Variants in LRRTM3 observed in about 807,000 individuals in gnomAD.
LRRTM3 encodes the protein leucine-rich repeat transmembrane neuronal protein 3.
Under a neutral mutation model 44.7 loss-of-function variants are expected in LRRTM3, and 24 were observed. That is an observed-to-expected ratio of 0.54 (90% confidence interval 0.39 to 0.76). The LOEUF (loss-of-function observed/expected upper bound fraction) is 0.76. Among genes scored for constraint, LRRTM3 ranks in the 30% least tolerant of loss-of-function variants. LRRTM3 has a pLI of 0.00. For missense variants in LRRTM3, 587 were observed against 702.2 expected (o/e 0.84, Z 1.85); for synonymous variants, 277 against 278.7 (o/e 0.99, Z 0.06).
At chr10:67,026,390 T>C (rs1017603999) in intron 2 of LRRTM3, among the ~76,000 whole-genome samples, 1 of 152,024 alleles carries the variant, frequency 6.6e-6, no homozygotes, top group African/African-American at 2.4e-5. Context: ...AATATTTTTA[T>C]ATTTGTAAAT....
At chr10:67,080,766 C>G (rs1002484269) in intron 2 of LRRTM3, among the ~76,000 whole-genome samples, 5 of 151,376 alleles carry the variant, frequency 3.3e-5, no homozygotes, top group Admixed American at 2.6e-4. Flanking sequence ...AAAATTAGCC[C>G]GGCGTGGTGG....
intron 2 of LRRTM3, among the ~76,000 whole-genome samples, chr10:67,004,097 A>G (rs941055477): frequency 6.6e-6 from 1 of 152,128 alleles, no homozygotes; most frequent in Admixed American, 6.6e-5. Flanking sequence ...TGTTAAAAAA[A>G]AAAAGCCACC....
chr10:67,074,909 T>G (rs1482949273), intron 2 of LRRTM3, among the ~76,000 whole-genome samples: 1 of 152,176 alleles, frequency 6.6e-6, no homozygotes, highest in Admixed American at 6.5e-5. Context: ...TGGTCTATAT[T>G]TAACACACAG....
intron 2 of LRRTM3, among the ~76,000 whole-genome samples, chr10:66,954,016 A>C (rs1848670539): frequency 6.6e-6 from 1 of 152,218 alleles, no homozygotes; most frequent in African/African-American, 2.4e-5. Flanking sequence ...GTGCATAGTA[A>C]GTGCTCGCAA....
intron 2 of LRRTM3, among the ~76,000 whole-genome samples, chr10:67,035,190 G>C (rs1853971893): frequency 1.3e-5 from 2 of 152,160 alleles, no homozygotes; most frequent in Admixed American, 1.3e-4. Flanking sequence ...TGAATATATA[G>C]ATATGTATAG....
At chr10:66,969,861 C>T (rs567332389) in intron 2 of LRRTM3, among the ~76,000 whole-genome samples, 68 of 152,246 alleles carry the variant, frequency 4.5e-4, no homozygotes, top group African/African-American at 1.6e-3. Context: ...ATTTCCACAA[C>T]ATGGAGAGTA....
At chr10:67,032,433 G>A (rs1853787421) in intron 2 of LRRTM3, among the ~76,000 whole-genome samples, 2 of 152,044 alleles carry the variant, frequency 1.3e-5, no homozygotes, top group Admixed American at 6.6e-5. Flanking sequence ...CAAAGTATGA[G>A]TTTGTTTTAC....
Position 66,928,046 on chromosome 10 carries a change from A to C in LRRTM3, c.1130A>C (p.Lys377Thr), listed in dbSNP as rs749744178. 4.3e-6 allele frequency: 7 copies of C among 1,613,998 alleles called. No individual in the cohort carries two copies. The highest frequency in any genetic ancestry group is 5.9e-6 in the Non-Finnish European group (7 of 1,180,042). Residue 377 changes from lysine to threonine, a missense_variant, in exon 2 of 3, where the codon AAG becomes ACG. Lys to Thr is a moderately conservative substitution (Grantham distance 78). Around this residue, in one of 3 missense-constraint regions of LRRTM3, gnomAD observed 315 missense variants for 335.6 expected, o/e 0.94. Coordinates refer to ENST00000361320, the MANE Select transcript of LRRTM3 (RefSeq NM_178011.5). ...TTTGATCTGGCCAGGGCTCTCCCAA[A>C]GCCGACGTTTAAGCCCAAGCTCCCC... ...ERFDLARALP[K>T]PTFKPKLPRP...
rs1858218818 is a variant in LRRTM3 at position 67,099,615 on chromosome 10, T to C, written c.*1819T>C. 1 of 152,218 alleles carries C rather than the reference T, an allele frequency of 6.6e-6. No homozygotes were observed. The highest frequency in any genetic ancestry group is 2.1e-4 in the South Asian group (1 of 4,828). 9.4% of individuals were successfully genotyped at this position (152,218 alleles called of 1,614,324 possible). A position where few individuals can be genotyped will look rare whatever the true frequency, so the allele number is the denominator to read the frequency against. ...ACTTAAAAACTGTGGAGCAAATTTT[T>C]GTTGAAAATATATAAAGTCAGAAAG... On this transcript the variant is annotated 3_prime_UTR_variant, in exon 3 of 3. Transcript: ENST00000361320.
In LRRTM3 at chr10:66,939,464, T is replaced by A. The variant is rs1847885852; in HGVS notation, c.1536+11012T>A. Among the ~76,000 whole-genome samples the A allele has an allele frequency of 2.0e-5, 3 of 152,206 alleles. No individual in the cohort carries two copies. In the South Asian group the frequency reaches 6.2e-4, roughly 31 times the overall value. On this transcript the variant is annotated intron_variant, in intron 2 of 2. Transcript: ENST00000361320. Reference sequence around the variant, plus strand: ...AAGCAATAATTAAAATGACACCATCTAATAATTTAATGTAAAAGGAGGGAA... The same window carrying A: ...AAGCAATAATTAAAATGACACCATCAAATAATTTAATGTAAAAGGAGGGAA...
intron 2 of LRRTM3, among the ~76,000 whole-genome samples, chr10:67,052,321 T>A (rs1855153933): frequency 7.7e-6 from 1 of 129,776 alleles, no homozygotes; most frequent in Non-Finnish European, 1.8e-5. Flanking sequence ...TCACTCTCTC[T>A]CTCTCTCTCT....
chr10:67,020,790 G>A (rs1319524222), intron 2 of LRRTM3, among the ~76,000 whole-genome samples: 1 of 152,158 alleles, frequency 6.6e-6, no homozygotes, highest in Non-Finnish European at 1.5e-5. Flanking sequence ...GTTTCAGAAA[G>A]GTGTAGTATT....
chr10:66,990,982 T>C (rs531693326), intron 2 of LRRTM3, among the ~76,000 whole-genome samples: 2 of 152,304 alleles, frequency 1.3e-5, no homozygotes, highest in African/African-American at 4.8e-5. Flanking sequence ...CATGATGGCA[T>C]GTATTGAACA....
intron 2 of LRRTM3, among the ~76,000 whole-genome samples, chr10:67,077,500 G>T (rs1458113803): frequency 6.6e-6 from 1 of 151,944 alleles, no homozygotes; most frequent in African/African-American, 2.4e-5. Context: ...TCTGTCCCCT[G>T]CCTGCCTCTC....
At chr10:66,977,465 G>A (rs1226073718) in intron 2 of LRRTM3, among the ~76,000 whole-genome samples, 1 of 151,662 alleles carries the variant, frequency 6.6e-6, no homozygotes, top group Non-Finnish European at 1.5e-5. Flanking sequence ...AAGATCATAT[G>A]ATATGACCCT....
chr10:66,941,008 C>T (rs1263633683), intron 2 of LRRTM3, among the ~76,000 whole-genome samples: 7 of 152,114 alleles, frequency 4.6e-5, no homozygotes, highest in Non-Finnish European at 1.0e-4. Flanking sequence ...ACCTTCTCCA[C>T]CTGTAATTTA....
At chr10:66,936,208 T>G (rs1016247472) in intron 2 of LRRTM3, among the ~76,000 whole-genome samples, 1 of 152,180 alleles carries the variant, frequency 6.6e-6, no homozygotes, top group Non-Finnish European at 1.5e-5. Context: ...GTGTGGAGTC[T>G]TTATTAGTTT....
chr10:67,028,937 G>T (rs1315871543), intron 2 of LRRTM3, among the ~76,000 whole-genome samples: 3 of 152,082 alleles, frequency 2.0e-5, no homozygotes, highest in Admixed American at 1.3e-4. Context: ...ACTTTTTATT[G>T]TACCACATAC....
At chr10:67,079,251 A>G (rs575773671) in intron 2 of LRRTM3, among the ~76,000 whole-genome samples, 81 of 152,350 alleles carry the variant, frequency 5.3e-4, no homozygotes, top group Non-Finnish European at 1.1e-3. Context: ...TTATAGAACA[A>G]GGGGAAGAGT....
Sources: allele counts gnomAD v4.1 joint callset (sites outside exome capture counted in the v4.1 genomes callset), GRCh38; gene constraint gnomAD v4.1.1; regional missense constraint gnomAD v4.1.1; transcripts MANE v1.5; gene names NCBI Gene and HGNC (gene_info 2026-07-23, HGNC 2026-07-21).